Variants in KIF3C observed in about 807,000 individuals in gnomAD.
KIF3C encodes the protein kinesin family member 3C.
A neutral mutation model predicts 67.7 loss-of-function variants in KIF3C; 12 were observed. The ratio of observed to expected loss-of-function variants is 0.18; its 90% CI spans 0.11 to 0.29. KIF3C has a LOEUF of 0.29. Among genes scored for constraint, KIF3C ranks in the 10% least tolerant of loss-of-function variants. The pLI is 1.00. For synonymous variants in KIF3C, 393 were observed against 426.2 expected (o/e 0.92, Z 0.96); for missense variants, 789 against 1,059.6 (o/e 0.74, Z 3.55).
chr2:25,975,723 C>T (rs1055128679), intron 1 of KIF3C, among the ~76,000 whole-genome samples: 4 of 152,124 alleles, frequency 2.6e-5, no homozygotes, highest in African/African-American at 9.7e-5. Flanking sequence ...CTTTGGGAGG[C>T]TGAGGCGGGT....
intron 4 of KIF3C, among the ~76,000 whole-genome samples, chr2:25,953,651 C>T (rs1301804763): frequency 6.8e-6 from 1 of 147,854 alleles, no homozygotes; most frequent in Non-Finnish European, 1.5e-5. Context: ...TGAGCCACTG[C>T]GCCCGGCCTT....
intron 3 of KIF3C, among the ~76,000 whole-genome samples, chr2:25,955,000 C>T (rs989704075): frequency 7.9e-5 from 12 of 152,200 alleles, no homozygotes; most frequent in African/African-American, 2.7e-4. Context: ...CGAAGGGCCT[C>T]CAGGTTTTTC....
At chr2:25,977,713 G>A (rs1237269300) in intron 1 of KIF3C, among the ~76,000 whole-genome samples, 1 of 152,110 alleles carries the variant, frequency 6.6e-6, no homozygotes, top group African/African-American at 2.4e-5. Flanking sequence ...TCAACCCTGG[G>A]AAATAGGCAG....
At chr2:25,976,886 A>G (rs780286892) in intron 1 of KIF3C, among the ~76,000 whole-genome samples, 2 of 152,340 alleles carry the variant, frequency 1.3e-5, no homozygotes, top group Non-Finnish European at 2.9e-5. Flanking sequence ...TGCAGTATGT[A>G]TACTGCGCAC....
intron 1 of KIF3C, among the ~76,000 whole-genome samples, chr2:25,973,131 A>G (rs1664321663): frequency 6.6e-6 from 1 of 152,220 alleles, no homozygotes; most frequent in African/African-American, 2.4e-5. Context: ...GATTCTGAAG[A>G]TCATCTGGTT....
rs190050643 is a variant in KIF3C at position 25,932,091 on chromosome 2, C to G, written c.2007-2028G>C. 8.2e-3 allele frequency among the ~76,000 whole-genome samples: 1,231 copies of G among 150,984 alleles called. 17 individuals are homozygous for G. The highest frequency in any genetic ancestry group is 0.028 in the African/African-American group (1,148 of 41,032). On this transcript the variant is annotated intron_variant, in intron 5 of 7. Transcript: ENST00000264712. Reference sequence around the variant, plus strand: ...ACCTCGGCTCACTGCAACTTCCGACCCCCTGGTTCAAGCGATTCTCCTGCC... The same window carrying G: ...ACCTCGGCTCACTGCAACTTCCGACGCCCTGGTTCAAGCGATTCTCCTGCC...
At chr2:25,946,325 T>C (rs760857749) in intron 5 of KIF3C, among the ~76,000 whole-genome samples, 2 of 151,900 alleles carry the variant, frequency 1.3e-5, no homozygotes, top group Non-Finnish European at 2.9e-5. Flanking sequence ...GAGGCCAAGG[T>C]GGGCGGATCA....
chr2:25,933,266 A>T (rs554403335), intron 5 of KIF3C, among the ~76,000 whole-genome samples: 3 of 152,170 alleles, frequency 2.0e-5, no homozygotes, highest in Admixed American at 2.0e-4. Context: ...GTTTCAAAAA[A>T]AAAAAAGGGC....
Position 25,980,264 on chromosome 2 carries a change from G to C in KIF3C, c.1545+109C>G. ...TGGCAGGAGGGCAGTGTGCGGTGCT[G>C]AGGGAGAACCTCCACTTCAGGCCAG... On this transcript the variant is annotated intron_variant, in intron 1 of 7. Transcript: ENST00000264712. The surrounding 1 kb of genome is among the most constrained non-coding windows in gnomAD (Gnocchi z 7.6). 1.1e-6 allele frequency: 1 copy of C among 892,258 alleles called. No homozygotes were observed. Among genetic ancestry groups the C allele is most frequent in the Non-Finnish European group, 1.7e-6 (1 of 591,948 alleles). 55.3% of individuals were successfully genotyped at this position (892,258 alleles called of 1,614,324 possible). A position where few individuals can be genotyped will look rare whatever the true frequency, so the allele number is the denominator to read the frequency against.
At position 25,980,309 on chromosome 2, in the gene KIF3C, G is replaced by A; in HGVS notation, c.1545+64C>T. 1 of 1,343,432 alleles carries A rather than the reference G, an allele frequency of 7.4e-7. No homozygotes were observed. The highest frequency in any genetic ancestry group is 1.0e-6 in the Non-Finnish European group (1 of 969,704). 83.2% of individuals were successfully genotyped at this position (1,343,432 alleles called of 1,614,324 possible). ...GGCCAGGTCACAGACTCTCAAAGAA[G>A]AGCCTCCTTGCCGGGATCCCCTGCG... On this transcript the variant is annotated intron_variant, in intron 1 of 7. Transcript: ENST00000264712. This position sits in a 1 kb window ranked among gnomAD's most constrained non-coding sequence, Gnocchi z 7.6.
chr2:25,982,002 G>T lies in KIF3C; in HGVS notation c.-85C>A. 1.8e-6 allele frequency: 2 copies of T among 1,136,570 alleles called. No homozygotes were observed. The highest frequency in any genetic ancestry group is 2.4e-6 in the Non-Finnish European group (2 of 820,856). The allele number at this position is 1,136,570 out of a possible 1,614,324, so 70.4% of individuals were successfully genotyped here. ...CTGCTCGCTAGGTCGGGATCAGCGGGGCCGGCCCAGCCCCCAGGCGCAGCT... is the reference window on the plus strand; with the variant it reads ...CTGCTCGCTAGGTCGGGATCAGCGGTGCCGGCCCAGCCCCCAGGCGCAGCT... On this transcript the variant is annotated 5_prime_UTR_variant, in exon 1 of 8. Coordinates refer to ENST00000264712, the MANE Select transcript of KIF3C (RefSeq NM_002254.8).
intron 1 of KIF3C, among the ~76,000 whole-genome samples, chr2:25,961,562 A>G (rs920496611): frequency 6.6e-6 from 1 of 152,228 alleles, no homozygotes; most frequent in Admixed American, 6.5e-5. Context: ...AAGCCCTAAA[A>G]AGGGGAGGAG....
Position 25,934,020 on chromosome 2 carries a change from G to C in KIF3C, c.2007-3957C>G, listed in dbSNP as rs531324557. ...CCAAATGTGGTATATTCATAGAGTG[G>C]AATATTACTCACCAATACAAAGGAA... On this transcript the variant is annotated intron_variant, in intron 5 of 7. Coordinates refer to ENST00000264712, the MANE Select transcript of KIF3C (RefSeq NM_002254.8). 20 of 399,730 alleles carry C rather than the reference G, an allele frequency of 5.0e-5. No homozygotes were observed. In the East Asian group the frequency reaches 1.5e-3, roughly 31 times the overall value. The allele number at this position is 399,730 out of a possible 1,614,324, so 24.8% of individuals were successfully genotyped here.
chr2:25,927,869 A>G lies in KIF3C; in HGVS notation c.*1109T>C, dbSNP rs1324896137. ...GAAGGTAAGGAGTATCCCCCTAGGA[A>G]CCAATTTGCGTAACTAGTGAATAAA... On this transcript the variant is annotated 3_prime_UTR_variant, in exon 8 of 8. Coordinates refer to ENST00000264712, the MANE Select transcript of KIF3C (RefSeq NM_002254.8). 1 of 152,620 alleles carries G rather than the reference A, an allele frequency of 6.6e-6. No homozygotes were observed. The highest frequency in any genetic ancestry group is 1.5e-5 in the Non-Finnish European group (1 of 68,044). The allele number at this position is 152,620 out of a possible 1,614,324, so 9.5% of individuals were successfully genotyped here. A position where few individuals can be genotyped will look rare whatever the true frequency, so the allele number is the denominator to read the frequency against.
At chr2:25,942,702 G>A (rs776180068) in intron 5 of KIF3C, among the ~76,000 whole-genome samples, 36 of 152,236 alleles carry the variant, frequency 2.4e-4, no homozygotes, top group African/African-American at 8.4e-4. Context: ...GAGCCACCGC[G>A]CCAGTGCAAA....
intron 5 of KIF3C, among the ~76,000 whole-genome samples, chr2:25,946,229 C>T (rs1366131299): frequency 6.6e-6 from 1 of 152,126 alleles, no homozygotes; most frequent in Non-Finnish European, 1.5e-5. Context: ...CACAACTTTC[C>T]CTGCTCAAGG....
chr2:25,970,504 C>T (rs918890851), intron 1 of KIF3C, among the ~76,000 whole-genome samples: 6 of 151,440 alleles, frequency 4.0e-5, no homozygotes, highest in Non-Finnish European at 8.8e-5. Flanking sequence ...CCTGTCTCTA[C>T]TAAAAATACA....
intron 1 of KIF3C, among the ~76,000 whole-genome samples, chr2:25,963,004 AATATATAAT>A (rs1384453785): frequency 1.3e-4 from 6 of 46,008 alleles, no homozygotes; most frequent in East Asian, 2.3e-3. Context: ...TATAATATAT[AATATATAAT>A]ATATATAATA....
intron 5 of KIF3C, chr2:25,934,032 C>G (rs2090484167): frequency 4.7e-6 from 2 of 424,730 alleles, no homozygotes; most frequent in Admixed American, 5.6e-5. Context: ...ATATTACTCA[C>G]CAATACAAAG....
Sources: gnomAD v4.1 joint callset for allele counts (sites outside exome capture counted in the v4.1 genomes callset) on GRCh38, gnomAD v4.1.1 for gene constraint, Gnocchi (gnomAD v3.1) non-coding constraint, MANE v1.5 for transcripts, NCBI Gene and HGNC (gene_info 2026-07-23, HGNC 2026-07-21) for gene names.